Variants in MSI2 observed in about 807,000 individuals in gnomAD.
MSI2 encodes the protein RNA-binding protein Musashi homolog 2.
In MSI2, 17 loss-of-function variants were observed where a neutral mutation model predicts 45.6. The ratio of observed to expected loss-of-function variants is 0.37; its 90% CI spans 0.26 to 0.56. The LOEUF (loss-of-function observed/expected upper bound fraction) is 0.56, where lower values mean the gene tolerates loss of function less well. MSI2 is among the 20% of genes least tolerant of loss of function. MSI2 has a pLI of 0.77. For missense variants in MSI2, 293 were observed against 444.2 expected, an observed-to-expected ratio of 0.66 and a Z score of 3.06; for synonymous variants, 156 against 158.2, an observed-to-expected ratio of 0.99 and a Z score of 0.11.
chr17:57,633,957 G>A (rs1021901842), intron 10 of MSI2, among the ~76,000 whole-genome samples: 1 of 152,126 alleles, frequency 6.6e-6, no homozygotes, highest in African/African-American at 2.4e-5. Context: ...CTAGAGACTT[G>A]CTAGGACTTC....
chr17:57,348,481 T>A (rs1915784210), intron 5 of MSI2, among the ~76,000 whole-genome samples: 1 of 152,220 alleles, frequency 6.6e-6, no homozygotes, highest in Non-Finnish European at 1.5e-5. Flanking sequence ...CCCTCAGGAA[T>A]GACTTAGTGT....
At chr17:57,343,932 T>C (rs776710759) in intron 5 of MSI2, among the ~76,000 whole-genome samples, 14 of 152,358 alleles carry the variant, frequency 9.2e-5, no homozygotes, top group Admixed American at 5.9e-4. Flanking sequence ...TTTTGTGTCC[T>C]TCTCAGGGTA....
intron 5 of MSI2, among the ~76,000 whole-genome samples, chr17:57,287,212 C>A (rs11654356): frequency 6.6e-6 from 1 of 150,574 alleles, no homozygotes; most frequent in Non-Finnish European, 1.5e-5. Flanking sequence ...TGCCTCCTTG[C>A]AATGTGAGTG....
At chr17:57,698,892 AGTGTGTGT>A in the MSI2 span, among the ~76,000 whole-genome samples, 14,064 of 118,498 alleles carry the variant, frequency 0.12, 922 homozygotes, top group Middle Eastern at 0.19. Flanking sequence ...GATACAAGGA[AGTGTGTGT>A]GTGTGTGTGT....
At chr17:57,436,184 G>T (rs775656992) in intron 6 of MSI2, among the ~76,000 whole-genome samples, 1 of 152,194 alleles carries the variant, frequency 6.6e-6, no homozygotes, top group Non-Finnish European at 1.5e-5. Context: ...ATGAATACAG[G>T]CGTGGCCGTG....
intron 6 of MSI2, among the ~76,000 whole-genome samples, chr17:57,482,513 G>A (rs540114398): frequency 5.9e-5 from 9 of 152,250 alleles, no homozygotes; most frequent in African/African-American, 2.2e-4. Context: ...TCTGTCATTC[G>A]TGTACATGGC....
chr17:57,578,212 C>T (rs2088103016), intron 7 of MSI2, among the ~76,000 whole-genome samples: 1 of 151,724 alleles, frequency 6.6e-6, no homozygotes, highest in African/African-American at 2.4e-5. Context: ...CTGGTGACAG[C>T]CCAAGCTCTT....
intron 5 of MSI2, among the ~76,000 whole-genome samples, chr17:57,277,201 A>G (rs947627092): frequency 6.6e-6 from 1 of 151,070 alleles, no homozygotes; most frequent in Non-Finnish European, 1.5e-5. Flanking sequence ...GTTTACAGGT[A>G]CCCGCCACCA....
chr17:57,696,106 AC>A, the MSI2 span, among the ~76,000 whole-genome samples: 251 of 151,860 alleles, frequency 1.7e-3, 3 homozygotes, highest in South Asian at 0.011. Flanking sequence ...GGTTCCTAAC[AC>A]CCCCCCAAAA....
intron 6 of MSI2, among the ~76,000 whole-genome samples, chr17:57,493,741 C>T (rs2085921210): frequency 6.6e-6 from 1 of 151,832 alleles, no homozygotes; most frequent in African/African-American, 2.4e-5. Flanking sequence ...ATTACTAAAA[C>T]CTTCTTCAGC....
At chr17:57,325,538 G>A (rs1913714689) in intron 5 of MSI2, among the ~76,000 whole-genome samples, 1 of 152,206 alleles carries the variant, frequency 6.6e-6, no homozygotes. Context: ...AATGAGTGTG[G>A]GCTGTCTTCT....
chr17:57,585,344 C>T (rs2088317920), intron 7 of MSI2, among the ~76,000 whole-genome samples: 2 of 152,272 alleles, frequency 1.3e-5, no homozygotes, highest in Non-Finnish European at 2.9e-5. Flanking sequence ...AATAACAAGG[C>T]TAGTTTGACT....
rs1913644893 is a variant in MSI2 at position 57,682,169 on chromosome 17, A to C, written c.*2652A>C. The C allele has an allele frequency of 1.0e-5, 2 of 193,044 alleles. No individual in the cohort carries two copies. Among genetic ancestry groups the C allele is most frequent in the African/African-American group, 2.3e-5 (1 of 43,126 alleles). The allele number at this position is 193,044 out of a possible 1,614,324, so 12.0% of individuals were successfully genotyped here. A position where few individuals can be genotyped will look rare whatever the true frequency, so the allele number is the denominator to read the frequency against. On this transcript the variant is annotated 3_prime_UTR_variant, in exon 14 of 14. Coordinates refer to ENST00000284073, the MANE Select transcript of MSI2 (RefSeq NM_138962.4). The stretch of plus-strand genomic sequence containing the variant: ...AGAACTTTCTCTTATTTATGAAAAA[A>C]AATGCTAATAATTTTGGGGCAGTTT...
intron 9 of MSI2, chr17:57,618,097 A>G (rs889839867): frequency 6.6e-6 from 1 of 151,120 alleles, no homozygotes; most frequent in East Asian, 2.0e-4. Context: ...TAATAATAAT[A>G]ATAAACATTA....
intron 5 of MSI2, among the ~76,000 whole-genome samples, chr17:57,379,362 AC>A: frequency 6.6e-6 from 1 of 150,656 alleles, no homozygotes; most frequent in East Asian, 2.0e-4. Context: ...TCTCACTGGT[AC>A]TTTATGGAAG....
chr17:57,502,468 G>A (rs1180614756), intron 6 of MSI2, among the ~76,000 whole-genome samples: 1 of 151,552 alleles, frequency 6.6e-6, no homozygotes, highest in Non-Finnish European at 1.5e-5. Flanking sequence ...TGTAATGTGT[G>A]AATTGAACTA....
intron 6 of MSI2, among the ~76,000 whole-genome samples, chr17:57,460,176 C>T (rs2085199206): frequency 6.7e-6 from 1 of 149,598 alleles, no homozygotes; most frequent in Non-Finnish European, 1.5e-5. Flanking sequence ...AATAAATAAT[C>T]AGTTGGGCGT....
Position 57,261,232 on chromosome 17 carries a change from AGCATCAT to A in MSI2, c.271-916_271-910del, listed in dbSNP as rs796872479. 4.5e-4 allele frequency among the ~76,000 whole-genome samples: 68 copies of A among 152,198 alleles called. 1 individual carries two copies. Among genetic ancestry groups the A allele is most frequent in the African/African-American group, 1.5e-3 (63 of 41,518 alleles). ...GAGCTGTACAGCTAGACCCTGATTG[AGCATCAT>A]GCGTTTTGCAAGTGTGTGATTTGGA... is the stretch of plus-strand genomic sequence containing the variant. On this transcript the variant is annotated intron_variant, in intron 4 of 13. Coordinates refer to ENST00000284073, the MANE Select transcript of MSI2 (RefSeq NM_138962.4).
chr17:57,518,015 T>C (rs188366215), intron 6 of MSI2, among the ~76,000 whole-genome samples: 65 of 152,326 alleles, frequency 4.3e-4, no homozygotes, highest in Non-Finnish European at 7.6e-4. Context: ...AATATTAGTT[T>C]AATGAATAAA....
Sources: allele counts gnomAD v4.1 joint callset (sites outside exome capture counted in the v4.1 genomes callset), GRCh38; gene constraint gnomAD v4.1.1; transcripts MANE v1.5; gene names NCBI Gene and HGNC (gene_info 2026-07-23, HGNC 2026-07-21).